RBPJ: variants seen among roughly 807,000 people sequenced by gnomAD.
RBPJ encodes recombining binding protein suppressor of hairless.
RBPJ carries 9 observed loss-of-function variants against 67.8 expected under a neutral mutation model. That is an observed-to-expected ratio of 0.13 (90% confidence interval 0.08 to 0.23). The LOEUF is 0.23. RBPJ is among the 10% of genes least tolerant of loss of function. The probability of loss-of-function intolerance (pLI) is 1.00; values close to 1 mark genes in which losing one functional copy is unlikely to be tolerated. For synonymous variants in RBPJ, 198 were observed against 203.3 expected (o/e 0.97, Z 0.22); for missense variants, 305 against 595.6 (o/e 0.51, Z 5.08).
At chr4:26,172,442 A>G (rs1164330324) in intron 1 of RBPJ, among the ~76,000 whole-genome samples, 3 of 152,228 alleles carry the variant, frequency 2.0e-5, no homozygotes, top group African/African-American at 7.2e-5. Context: ...CGGGCGATCT[A>G]GCAGCAATCC....
At chr4:26,337,002 G>A (rs1471050243) in intron 1 of RBPJ, among the ~76,000 whole-genome samples, 1 of 152,116 alleles carries the variant, frequency 6.6e-6, no homozygotes, top group Non-Finnish European at 1.5e-5. Flanking sequence ...TTGAGACTGA[G>A]TGTCGCTCTG....
intron 1 of RBPJ, among the ~76,000 whole-genome samples, chr4:26,281,034 T>G (rs1721257109): frequency 6.6e-6 from 1 of 152,208 alleles, no homozygotes; most frequent in African/African-American, 2.4e-5. Context: ...GTTCAATTTG[T>G]AAACATTTGT....
intron 1 of RBPJ, among the ~76,000 whole-genome samples, chr4:26,256,009 T>C (rs1156749520): frequency 6.6e-6 from 1 of 152,124 alleles, no homozygotes; most frequent in African/African-American, 2.4e-5. Flanking sequence ...GCATTATTTT[T>C]CCCTTCCTTT....
At chr4:26,241,481 T>C (rs1175136468) in intron 1 of RBPJ, among the ~76,000 whole-genome samples, 1 of 151,986 alleles carries the variant, frequency 6.6e-6, no homozygotes, top group Non-Finnish European at 1.5e-5. Context: ...TTCTGACCTG[T>C]CTTCTTTTCA....
At chr4:26,295,246 G>T (rs1232148188) in intron 1 of RBPJ, among the ~76,000 whole-genome samples, 1 of 94,608 alleles carries the variant, frequency 1.1e-5, no homozygotes, top group South Asian at 2.4e-4. Context: ...GGGTGCATCA[G>T]TGTGTGTGTG....
At chr4:26,390,218 T>C (rs1731362861) in intron 2 of RBPJ, among the ~76,000 whole-genome samples, 2 of 152,202 alleles carry the variant, frequency 1.3e-5, no homozygotes, top group African/African-American at 4.8e-5. Context: ...CCATTTTTAA[T>C]AGAAATTCTC....
intron 2 of RBPJ, among the ~76,000 whole-genome samples, chr4:26,403,503 A>G (rs917736429): frequency 7.2e-5 from 11 of 152,038 alleles, no homozygotes; most frequent in African/African-American, 2.7e-4. Flanking sequence ...CCAGTACCCA[A>G]TAGTTATTTT....
upstream of RBPJ, among the ~76,000 whole-genome samples, chr4:26,315,167 A>AAAAATATATATAT (rs1325689348): frequency 1.5e-4 from 11 of 74,736 alleles, no homozygotes; most frequent in African/African-American, 4.7e-4. Context: ...AAAAAAAAAA[A>AAAAATATATATAT]ATATATATAT....
the RBPJ span, among the ~76,000 whole-genome samples, chr4:26,139,073 G>A: frequency 1.3e-5 from 2 of 152,186 alleles, no homozygotes; most frequent in African/African-American, 2.4e-5. Flanking sequence ...TCCGAGAGGC[G>A]GGAGCCCATC....
At position 26,432,657 on chromosome 4, in the gene RBPJ, TATACAACACAGTCTAGTA is replaced by T. The variant is rs1736343328; in HGVS notation, c.*1657_*1674del. Reference sequence around the variant, plus strand: ...AGTACAGGAACCACGTGTGTAATGTTATACAACACAGTCTAGTAATACAATCATCCCTCTTAGAGTAAA... The same window carrying T: ...AGTACAGGAACCACGTGTGTAATGTTATACAATCATCCCTCTTAGAGTAAA... On this transcript the variant is annotated 3_prime_UTR_variant, in exon 11 of 11. Coordinates refer to ENST00000355476, the MANE Select transcript of RBPJ (RefSeq NM_015874.6). 1 of 152,192 alleles carries T rather than the reference TATACAACACAGTCTAGTA, an allele frequency of 6.6e-6. No individual in the cohort carries two copies. Among genetic ancestry groups the T allele is most frequent in the Non-Finnish European group, 1.5e-5 (1 of 68,032 alleles). The allele number at this position is 152,192 out of a possible 1,614,324, so 9.4% of individuals were successfully genotyped here.
At chr4:26,136,989 G>A in the RBPJ span, among the ~76,000 whole-genome samples, 1 of 152,090 alleles carries the variant, frequency 6.6e-6, no homozygotes, top group African/African-American at 2.4e-5. Context: ...ACAAAATTGC[G>A]GAAATAAACA....
At chr4:26,213,382 G>T (rs1052949412) in intron 1 of RBPJ, among the ~76,000 whole-genome samples, 2 of 152,090 alleles carry the variant, frequency 1.3e-5, no homozygotes, top group Admixed American at 6.5e-5. Flanking sequence ...AAAAACTGTT[G>T]TTTGGGTTTT....
chr4:26,147,432 A>G, the RBPJ span, among the ~76,000 whole-genome samples: 2 of 152,220 alleles, frequency 1.3e-5, no homozygotes, highest in Admixed American at 1.3e-4. Context: ...AGGAGTTTGC[A>G]GTGATCTTCC....
At chr4:26,316,611 T>TATTGATATATATATACAC (rs1337253306), upstream of RBPJ, among the ~76,000 whole-genome samples, 2 of 140,718 alleles carry the variant, frequency 1.4e-5, no homozygotes, top group African/African-American at 2.7e-5. Flanking sequence ...TATATACACA[T>TATTGATATATATATACAC]ATTGATATAT....
At chr4:26,282,359 G>C (rs569130232) in intron 1 of RBPJ, among the ~76,000 whole-genome samples, 11 of 151,598 alleles carry the variant, frequency 7.3e-5, no homozygotes, top group Non-Finnish European at 1.5e-4. Flanking sequence ...TTCCAGTTTA[G>C]CATTAAATAT....
the RBPJ span, among the ~76,000 whole-genome samples, chr4:26,148,765 T>G: frequency 6.6e-6 from 1 of 152,178 alleles, no homozygotes; most frequent in African/African-American, 2.4e-5. Context: ...ATTGAAGACC[T>G]AGGGATAAAC....
intron 1 of RBPJ, among the ~76,000 whole-genome samples, chr4:26,301,455 G>C (rs1309420600): frequency 6.6e-6 from 1 of 151,862 alleles, no homozygotes; most frequent in Admixed American, 6.6e-5. Context: ...AGCCGGGCGT[G>C]GTGGCGGGCG....
intron 1 of RBPJ, among the ~76,000 whole-genome samples, chr4:26,290,300 C>T (rs1343011219): frequency 1.6e-5 from 2 of 126,896 alleles, no homozygotes; most frequent in African/African-American, 5.9e-5. Context: ...GATTGCACCA[C>T]AGAACGAGAC....
intron 1 of RBPJ, among the ~76,000 whole-genome samples, chr4:26,180,269 C>G (rs1374779839): frequency 1.3e-5 from 2 of 151,648 alleles, no homozygotes; most frequent in Non-Finnish European, 2.9e-5. Context: ...TAACAAACCC[C>G]TGTGACATGA....
Sources: gnomAD v4.1 joint callset for allele counts (sites outside exome capture counted in the v4.1 genomes callset) on GRCh38, gnomAD v4.1.1 for gene constraint, MANE v1.5 for transcripts, NCBI Gene and HGNC (gene_info 2026-07-23, HGNC 2026-07-21) for gene names.